Variants in TSNAX observed in about 807,000 individuals in gnomAD.
TSNAX encodes the protein translin associated factor X.
In TSNAX, 12 loss-of-function variants were observed where a neutral mutation model predicts 33.0. The ratio of observed to expected loss-of-function variants is 0.36; its 90% CI spans 0.23 to 0.59. The LOEUF (loss-of-function observed/expected upper bound fraction) is 0.59, where lower values mean the gene tolerates loss of function less well. Among genes scored for constraint, TSNAX ranks in the 20% least tolerant of loss-of-function variants. The probability of loss-of-function intolerance (pLI) is 0.74; values close to 1 mark genes in which losing one functional copy is unlikely to be tolerated. For synonymous variants in TSNAX, 110 were observed against 117.2 expected, an observed-to-expected ratio of 0.94 and a Z score of 0.40; for missense variants, 267 against 341.3, an observed-to-expected ratio of 0.78 and a Z score of 1.72.
chr1:231,556,508 T>C (rs1266171230), intron 4 of TSNAX, among the ~76,000 whole-genome samples: 1 of 152,052 alleles, frequency 6.6e-6, no homozygotes, highest in African/African-American at 2.4e-5. Flanking sequence ...CAGCTACATA[T>C]GAAATAATAC....
intron 2 of TSNAX, chr1:231,535,376 T>C (rs1659095784): frequency 6.6e-6 from 1 of 152,114 alleles, no homozygotes; most frequent in Non-Finnish European, 1.5e-5. Flanking sequence ...ATGTAGTCTT[T>C]TAAACAATAA....
At chr1:231,539,715 C>T (rs903037576) in intron 3 of TSNAX, among the ~76,000 whole-genome samples, 28 of 152,150 alleles carry the variant, frequency 1.8e-4, no homozygotes, top group African/African-American at 6.3e-4. Flanking sequence ...CAAAGATAGC[C>T]TCTATCAACT....
At chr1:231,532,087 C>A (rs1658760863) in intron 2 of TSNAX, among the ~76,000 whole-genome samples, 2 of 124,808 alleles carry the variant, frequency 1.6e-5, no homozygotes. Context: ...AAAAAAAAAA[C>A]TAACTGAGGT....
At chr1:231,560,497 C>T (rs1396998902) in intron 4 of TSNAX, among the ~76,000 whole-genome samples, 1 of 134,646 alleles carries the variant, frequency 7.4e-6, no homozygotes, top group Non-Finnish European at 1.5e-5. Flanking sequence ...TCACTGCAAC[C>T]TTCGGCTCCT....
chr1:231,531,106 G>A (rs1347279309), intron 2 of TSNAX, among the ~76,000 whole-genome samples: 1 of 151,986 alleles, frequency 6.6e-6, no homozygotes, highest in Non-Finnish European at 1.5e-5. Flanking sequence ...CTACAGGCGT[G>A]TGTCACCATG....
intron 4 of TSNAX, among the ~76,000 whole-genome samples, chr1:231,553,874 C>T (rs367543874): frequency 4.0e-5 from 6 of 151,840 alleles, no homozygotes; most frequent in African/African-American, 1.2e-4. Context: ...TTAGTAGAGA[C>T]GAGGTTTCTC....
Position 231,533,068 on chromosome 1 carries a change from CT to C in TSNAX, c.121+3725del, listed in dbSNP as rs746007509. 5.3e-3 allele frequency among the ~76,000 whole-genome samples: 717 copies of C among 136,336 alleles called. 1 individual carries two copies. The highest frequency in any genetic ancestry group is 0.013 in the African/African-American group (468 of 37,270). 89.4% of individuals were successfully genotyped at this position (136,336 alleles called of 152,430 possible). ...TTTTAAAAGGGATTTCATGGGAAGT[CT>C]TTTTTTTTTTTTTTTGAGATGGACT... On this transcript the variant is annotated intron_variant, in intron 2 of 5. Transcript: ENST00000366639.
intron 2 of TSNAX, 101 bp downstream of exon 2, chr1:231,529,460 T>C: frequency 8.1e-7 from 1 of 1,236,062 alleles, no homozygotes; most frequent in South Asian, 1.4e-5. Flanking sequence ...ATGTGAAACT[T>C]TAGCTGGAGG....
In TSNAX at chr1:231,564,824, G is replaced by A. The variant is rs758877455; in HGVS notation, c.792G>A (p.Gly264=). ...CTTGTTATGCCTTGAAAGTCAGAGGGTCAGAAATTCCAAAACATATGTTGG... is the reference window on the plus strand; with the variant it reads ...CTTGTTATGCCTTGAAAGTCAGAGGATCAGAAATTCCAAAACATATGTTGG... The part of the protein sequence containing the change: ...ENACYALKVR[G]SEIPKHMLAD... The change falls in exon 6 of 6, where the codon GGG becomes GGA. Residue 264 remains glycine (G), a synonymous_variant. Coordinates refer to ENST00000366639, the MANE Select transcript of TSNAX (RefSeq NM_005999.3). The A allele has an allele frequency of 1.2e-6, 2 of 1,613,944 alleles. No homozygotes were observed. The highest frequency in any genetic ancestry group is 2.2e-5 in the South Asian group (2 of 91,084).
Position 231,558,707 on chromosome 1 carries a change from T to C in TSNAX, c.368-2421T>C, listed in dbSNP as rs1558136243. ...GGAAATGAGAAATAGAGATTTTCTT[T>C]GGGGGGGAACTGGGCGGTGTCACCT... On this transcript the variant is annotated intron_variant, in intron 4 of 5. Coordinates refer to ENST00000366639, the MANE Select transcript of TSNAX (RefSeq NM_005999.3). Among the ~76,000 whole-genome samples, 5 of 152,122 alleles carry C rather than the reference T, an allele frequency of 3.3e-5. No homozygotes were observed. The East Asian group carries it at 7.7e-4, about 23-fold the overall frequency.
Position 231,557,364 on chromosome 1 carries a change from C to T in TSNAX, c.368-3764C>T, listed in dbSNP as rs143197729. Among the ~76,000 whole-genome samples, 16 of 152,182 alleles carry T rather than the reference C, an allele frequency of 1.1e-4. No homozygotes were observed. The East Asian group carries it at 3.1e-3, about 29-fold the overall frequency. On this transcript the variant is annotated intron_variant, in intron 4 of 5. Transcript: ENST00000366639. Reference sequence around the variant, plus strand: ...CAAAGGAATCAAAGGAAAACTTGTTCAAAGAGGGGAAGTGGCACAAAATGC... The same window carrying T: ...CAAAGGAATCAAAGGAAAACTTGTTTAAAGAGGGGAAGTGGCACAAAATGC...
At chr1:231,532,769 A>G (rs1263173033) in intron 2 of TSNAX, among the ~76,000 whole-genome samples, 2 of 152,166 alleles carry the variant, frequency 1.3e-5, no homozygotes, top group Admixed American at 1.3e-4. Flanking sequence ...GTTAATACAT[A>G]CCTATATTTA....
Position 231,565,065 on chromosome 1 carries a change from C to G in TSNAX, c.*160C>G, listed in dbSNP as rs148861194. On this transcript the variant is annotated 3_prime_UTR_variant, in exon 6 of 6. Transcript: ENST00000366639. Reference sequence around the variant, plus strand: ...TATACAAGCTGTACATAAAATTAGCCAAATGAATCATTTCTTATATCTTAT... The same window carrying G: ...TATACAAGCTGTACATAAAATTAGCGAAATGAATCATTTCTTATATCTTAT... 1,430 of 866,338 alleles carry G rather than the reference C, an allele frequency of 1.7e-3. 13 individuals are homozygous for G. The African/African-American group carries it at 0.021, about 13-fold the overall frequency. The allele number at this position is 866,338 out of a possible 1,614,324, so 53.7% of individuals were successfully genotyped here. A position where few individuals can be genotyped will look rare whatever the true frequency, so the allele number is the denominator to read the frequency against.
chr1:231,548,273 G>A (rs940519897), intron 4 of TSNAX, among the ~76,000 whole-genome samples: 2 of 152,178 alleles, frequency 1.3e-5, no homozygotes, highest in African/African-American at 4.8e-5. Context: ...ACATTATTCT[G>A]TATAAACCCT....
intron 2 of TSNAX, 157 bp from the exon 3 acceptor site, chr1:231,537,056 C>T (rs1659227423): frequency 3.9e-6 from 2 of 507,244 alleles, no homozygotes; most frequent in African/African-American, 2.0e-5. Flanking sequence ...TGGTCTTGAT[C>T]TCTTGACCTC....
At chr1:231,533,642 A>G (rs1183189137) in intron 2 of TSNAX, among the ~76,000 whole-genome samples, 2 of 152,264 alleles carry the variant, frequency 1.3e-5, no homozygotes, top group Non-Finnish European at 2.9e-5. Flanking sequence ...TTAAAAAACT[A>G]GAAGACTTAA....
At chr1:231,537,067 A>T (rs2124889778) in intron 2 of TSNAX, 146 bp from the exon 3 acceptor site, 1 of 525,352 alleles carries the variant, frequency 1.9e-6, no homozygotes, top group African/African-American at 2.0e-5. Flanking sequence ...TCTTGACCTC[A>T]TGATCCACCT....
At chr1:231,548,668 G>A (rs1197082140) in intron 4 of TSNAX, among the ~76,000 whole-genome samples, 1 of 152,208 alleles carries the variant, frequency 6.6e-6, no homozygotes, top group Admixed American at 6.5e-5. Context: ...TTTGTTAAGA[G>A]GAGAAAACAG....
At chr1:231,556,734 TTG>T (rs144143552) in intron 4 of TSNAX, among the ~76,000 whole-genome samples, 3,388 of 152,316 alleles carry the variant, frequency 0.022, 131 homozygotes, top group African/African-American at 0.077. Context: ...ACCTTGCCAG[TTG>T]TGTTTGATTC....
Sources: gnomAD v4.1 joint callset for allele counts (sites outside exome capture counted in the v4.1 genomes callset) on GRCh38, gnomAD v4.1.1 for gene constraint, MANE v1.5 for transcripts, NCBI Gene and HGNC (gene_info 2026-07-23, HGNC 2026-07-21) for gene names.